Variants in HLF observed in about 807,000 individuals in gnomAD.
HLF encodes the protein HLF transcription factor, PAR bZIP family member, also known as hepatic leukemia factor.
Under a neutral mutation model 22.6 loss-of-function variants are expected in HLF, and 3 were observed. The ratio of observed to expected loss-of-function variants is 0.13; its 90% CI spans 0.06 to 0.34. The LOEUF (loss-of-function observed/expected upper bound fraction) is 0.34, where lower values mean the gene tolerates loss of function less well. Among genes scored for constraint, HLF ranks in the 10% least tolerant of loss-of-function variants. The pLI is 1.00. For missense variants in HLF, 299 were observed against 389.2 expected (o/e 0.77, Z 1.95); for synonymous variants, 151 against 151.8 (o/e 0.99, Z 0.04).
At chr17:55,268,863 G>T (rs900469327) in intron 2 of HLF, among the ~76,000 whole-genome samples, 23 of 151,990 alleles carry the variant, frequency 1.5e-4, no homozygotes, top group African/African-American at 5.3e-4. Flanking sequence ...GAAATGACCA[G>T]TACTTCAAAA....
In HLF at chr17:55,296,326, C is replaced by T. The variant is rs187842666; in HGVS notation, c.452-18901C>T. ...AACATTTTATTACAAAATTAATATA[C>T]GATTGTTGTAAAATAGGACTGTATA... On this transcript the variant is annotated intron_variant, in intron 2 of 3. Coordinates refer to ENST00000226067, the MANE Select transcript of HLF (RefSeq NM_002126.5). Among the ~76,000 whole-genome samples, 15 of 152,172 alleles carry T rather than the reference C, an allele frequency of 9.9e-5. No individual in the cohort carries two copies. In the East Asian group the frequency reaches 2.1e-3, roughly 22 times the overall value.
chr17:55,265,589 C>T lies in HLF; in HGVS notation c.105C>T (p.His35=), dbSNP rs1432044486. Residue 35 remains histidine (H), a synonymous_variant, in exon 1 of 4, where the codon CAC becomes CAT. Coordinates refer to ENST00000226067, the MANE Select transcript of HLF (RefSeq NM_002126.5). The part of the protein sequence containing the change: ...LLENPLKLPL[H]HEDAFSKDKD... ...AGAACCCGCTGAAGCTCCCCCTTCACCACGAAGACGGTGAGCGCTGCCGCG... is the reference window on the plus strand; with the variant it reads ...AGAACCCGCTGAAGCTCCCCCTTCATCACGAAGACGGTGAGCGCTGCCGCG... 6.3e-7 allele frequency: 1 copy of T among 1,594,622 alleles called. No individual in the cohort carries two copies. The highest frequency in any genetic ancestry group is 8.6e-7 in the Non-Finnish European group (1 of 1,169,392).
chr17:55,278,761 T>G (rs1217428535), intron 2 of HLF, among the ~76,000 whole-genome samples: 1 of 152,196 alleles, frequency 6.6e-6, no homozygotes, highest in Non-Finnish European at 1.5e-5. Context: ...ACCTTAGTCA[T>G]TATGATGTGG....
chr17:55,319,690 T>G (rs898764082), intron 3 of HLF, among the ~76,000 whole-genome samples: 1 of 152,160 alleles, frequency 6.6e-6, no homozygotes. Context: ...GCCACCAATA[T>G]GAGTACATTG....
intron 3 of HLF, among the ~76,000 whole-genome samples, chr17:55,317,741 G>A (rs1234171651): frequency 6.6e-6 from 1 of 152,202 alleles, no homozygotes; most frequent in African/African-American, 2.4e-5. Flanking sequence ...CATTGGACAA[G>A]TAAACCAGTT....
chr17:55,265,899 C>A, intron 1 of HLF: 1 of 1,120,808 alleles, frequency 8.9e-7, no homozygotes, highest in South Asian at 3.7e-5. Flanking sequence ...CAGGATCGTT[C>A]CCTAGAACGA....
At chr17:55,319,809 A>T (rs1905203240) in intron 3 of HLF, among the ~76,000 whole-genome samples, 1 of 152,202 alleles carries the variant, frequency 6.6e-6, no homozygotes, top group African/African-American at 2.4e-5. Context: ...AAAAGGTAGA[A>T]AGTCTTACAT....
chr17:55,308,255 G>GTCC (rs1904673176), intron 2 of HLF, among the ~76,000 whole-genome samples: 3 of 152,210 alleles, frequency 2.0e-5, no homozygotes, highest in Non-Finnish European at 4.4e-5. Context: ...GACAGACAGT[G>GTCC]CTGGCTTAGA....
At chr17:55,312,888 C>T (rs376615100) in intron 2 of HLF, among the ~76,000 whole-genome samples, 4 of 152,094 alleles carry the variant, frequency 2.6e-5, no homozygotes, top group South Asian at 4.2e-4. Context: ...ATACCCCTTA[C>T]TTTTGATACT....
intron 2 of HLF, among the ~76,000 whole-genome samples, chr17:55,274,991 C>T (rs1411106689): frequency 6.6e-6 from 1 of 152,206 alleles, no homozygotes; most frequent in African/African-American, 2.4e-5. Context: ...TTGCCCTTCT[C>T]TTAGCCTTTG....
chr17:55,268,315 T>C (rs1478590003), intron 2 of HLF, among the ~76,000 whole-genome samples: 1 of 152,156 alleles, frequency 6.6e-6, no homozygotes, highest in African/African-American at 2.4e-5. Flanking sequence ...CCCTAGAAAT[T>C]CTGATTTTGC....
intron 2 of HLF, chr17:55,288,866 A>G: frequency 5.1e-6 from 5 of 975,048 alleles, no homozygotes; most frequent in Non-Finnish European, 6.1e-6. Context: ...CCAATTTTCC[A>G]CCCTTTAATC....
intron 2 of HLF, among the ~76,000 whole-genome samples, chr17:55,298,431 G>A (rs1482180103): frequency 7.9e-5 from 12 of 152,106 alleles, no homozygotes. Flanking sequence ...TACCCACGAG[G>A]CACACAAACC....
intron 2 of HLF, among the ~76,000 whole-genome samples, chr17:55,286,877 G>T (rs905029387): frequency 6.6e-6 from 1 of 152,156 alleles, no homozygotes; most frequent in African/African-American, 2.4e-5. Context: ...ATGATGGAAG[G>T]CCTCCCTTGT....
intron 2 of HLF, among the ~76,000 whole-genome samples, chr17:55,268,604 C>G (rs2080819797): frequency 6.6e-6 from 1 of 151,982 alleles, no homozygotes. Flanking sequence ...TTTTTTCCAT[C>G]CTTTTCATCT....
At chr17:55,265,929 C>G (rs1332767389) in intron 1 of HLF, 18 of 950,602 alleles carry the variant, frequency 1.9e-5, no homozygotes, top group Non-Finnish European at 2.2e-5. Flanking sequence ...GCACGCAGAG[C>G]GAGCCCGCCT....
At chr17:55,315,127 G>T in intron 2 of HLF, 100 bp from the exon 3 acceptor site, 3 of 816,392 alleles carry the variant, frequency 3.7e-6, no homozygotes, top group Non-Finnish European at 4.2e-6. Context: ...ATATATAAGT[G>T]AGCTGAAGAC....
intron 2 of HLF, among the ~76,000 whole-genome samples, chr17:55,274,751 A>C (rs1442266971): frequency 6.6e-6 from 1 of 152,208 alleles, no homozygotes; most frequent in Non-Finnish European, 1.5e-5. Flanking sequence ...AGGACTGTTG[A>C]AGGTCATATG....
Position 55,267,974 on chromosome 17 carries a change from G to T in HLF, c.339G>T (p.Leu113=). 6.2e-7 allele frequency: 1 copy of T among 1,613,980 alleles called. No homozygotes were observed. The highest frequency in any genetic ancestry group is 8.5e-7 in the Non-Finnish European group (1 of 1,179,964). ...ACCACAGCCCTCACCCTCCTGGGCTGCAGCCAGCTTCCTCGGCTGCCCCCT... is the reference window on the plus strand; with the variant it reads ...ACCACAGCCCTCACCCTCCTGGGCTTCAGCCAGCTTCCTCGGCTGCCCCCT... ...QHDHSPHPPG[L]QPASSAAPSV... Residue 113 remains leucine, a synonymous_variant, in exon 2 of 4, where the codon CTG becomes CTT. Transcript: ENST00000226067.
Sources: gnomAD v4.1 joint callset for allele counts (sites outside exome capture counted in the v4.1 genomes callset) on GRCh38, gnomAD v4.1.1 for gene constraint, MANE v1.5 for transcripts, NCBI Gene and HGNC (gene_info 2026-07-23, HGNC 2026-07-21) for gene names.